Variants in LZTS1 observed in about 807,000 individuals in gnomAD.
The protein encoded by LZTS1 is leucine zipper tumor suppressor 1.
In LZTS1, 31 loss-of-function variants were observed where a neutral mutation model predicts 45.8. That is an observed-to-expected ratio of 0.68 (90% confidence interval 0.51 to 0.91). The LOEUF (loss-of-function observed/expected upper bound fraction) is 0.91. LZTS1 is among the 40% of genes least tolerant of loss of function. LZTS1 has a pLI of 0.00. For synonymous variants in LZTS1, 359 were observed against 357.3 expected, an observed-to-expected ratio of 1.00 and a Z score of -0.05; for missense variants, 821 against 788.9, an observed-to-expected ratio of 1.04 and a Z score of -0.49.
intron 1 of LZTS1, among the ~76,000 whole-genome samples, chr8:20,298,808 T>C (rs987632173): frequency 2.0e-5 from 3 of 152,192 alleles, no homozygotes; most frequent in Non-Finnish European, 2.9e-5. Context: ...GAGGTCAAGA[T>C]TGCAGTAAGC....
chr8:20,258,580 A>G (rs1000636468), intron 1 of LZTS1, among the ~76,000 whole-genome samples: 5 of 152,186 alleles, frequency 3.3e-5, no homozygotes, highest in Non-Finnish European at 7.3e-5. Context: ...TGATGTGAAA[A>G]GCTTTTATTG....
intron 1 of LZTS1, among the ~76,000 whole-genome samples, chr8:20,287,650 G>C (rs1163249110): frequency 6.6e-6 from 1 of 152,082 alleles, no homozygotes; most frequent in African/African-American, 2.4e-5. Context: ...CCCGGGACCA[G>C]GCATGGTGGC....
intron 1 of LZTS1, among the ~76,000 whole-genome samples, chr8:20,296,447 C>A (rs913620344): frequency 1.3e-5 from 2 of 152,178 alleles, no homozygotes; most frequent in Non-Finnish European, 2.9e-5. Context: ...CTAATGGGTT[C>A]GTGGCCACCT....
At chr8:20,278,185 C>T (rs1800621518) in intron 1 of LZTS1, among the ~76,000 whole-genome samples, 1 of 152,174 alleles carries the variant, frequency 6.6e-6, no homozygotes, top group African/African-American at 2.4e-5. Flanking sequence ...TGGTGATCAG[C>T]AGCTTCCTGA....
Position 20,263,249 on chromosome 8 carries a change from G to A in LZTS1, c.-134-7934C>T, listed in dbSNP as rs548789269. On this transcript the variant is annotated intron_variant, in intron 1 of 3. Transcript: ENST00000381569. ...GCAGGCGGAGACTGGGCGGGGAGAT[G>A]TGGGTCTTCCCTTCACTGGTGCAGA... Among the ~76,000 whole-genome samples, 466 of 152,202 alleles carry A rather than the reference G, an allele frequency of 3.1e-3. 4 individuals are homozygous for A. The highest frequency in any genetic ancestry group is 0.011 in the African/African-American group (447 of 41,536).
Position 20,303,909 on chromosome 8 carries a change from G to C in LZTS1, c.-304C>G, listed in dbSNP as rs1284551188. 3 of 984,284 alleles carry C rather than the reference G, an allele frequency of 3.0e-6. No homozygotes were observed. The highest frequency in any genetic ancestry group is 4.7e-5 in the South Asian group (1 of 21,286). The allele number at this position is 984,284 out of a possible 1,614,324, so 61.0% of individuals were successfully genotyped here. On this transcript the variant is annotated 5_prime_UTR_variant, in exon 1 of 4. Transcript: ENST00000381569. ...GGCCGAGGCGGGCAGAGAAACTTTC[G>C]GCCTCCCCGCCCGGCCGCTGCCAAC...
At chr8:20,271,319 G>C (rs1405893596) in intron 1 of LZTS1, among the ~76,000 whole-genome samples, 1 of 152,128 alleles carries the variant, frequency 6.6e-6, no homozygotes, top group Non-Finnish European at 1.5e-5. Context: ...ATCCGGCCGT[G>C]TTTCCACTCT....
At chr8:20,267,136 A>G (rs1474105663) in intron 1 of LZTS1, among the ~76,000 whole-genome samples, 1 of 151,666 alleles carries the variant, frequency 6.6e-6, no homozygotes, top group Admixed American at 6.6e-5. Context: ...AAGAAAAAAA[A>G]AGAAAACAGC....
At position 20,249,623 on chromosome 8, in the gene LZTS1, C is replaced by T. The variant is rs1023245359; in HGVS notation, c.*99G>A. The T allele has an allele frequency of 4.9e-5, 70 of 1,422,482 alleles. No homozygotes were observed. Among genetic ancestry groups the T allele is most frequent in the Non-Finnish European group, 6.1e-5 (65 of 1,062,054 alleles). The allele number at this position is 1,422,482 out of a possible 1,614,324, so 88.1% of individuals were successfully genotyped here. A position where few individuals can be genotyped will look rare whatever the true frequency, so the allele number is the denominator to read the frequency against. On this transcript the variant is annotated 3_prime_UTR_variant, in exon 4 of 4. Coordinates refer to ENST00000381569, the MANE Select transcript of LZTS1 (RefSeq NM_021020.5). The stretch of plus-strand genomic sequence containing the variant: ...CCTGGGTCTGTGTCCCAGGGAGTGG[C>T]GTCTCTCAGAGGGGTCTGAATTGCT...
Position 20,253,594 on chromosome 8 carries a change from G to GA in LZTS1, c.346-10dup. On this transcript the variant is annotated splice_polypyrimidine_tract_variant and intron_variant, in intron 2 of 3. Coordinates refer to ENST00000381569, the MANE Select transcript of LZTS1 (RefSeq NM_021020.5). ...GCACCCTTCTCGGAGCCCTGTAGAGGAAAAGGACCGCGGTGACTCATGCCT... is the reference window on the plus strand; with the variant it reads ...GCACCCTTCTCGGAGCCCTGTAGAGGAAAAAGGACCGCGGTGACTCATGCCT... 6.9e-7 allele frequency: 1 copy of GA among 1,442,094 alleles called. No homozygotes were observed. 89.3% of individuals were successfully genotyped at this position (1,442,094 alleles called of 1,614,324 possible).
Position 20,252,848 on chromosome 8 carries a change from G to A in LZTS1, c.1083C>T (p.Thr361=). Residue 361 remains threonine (T), a synonymous_variant, in exon 3 of 4, where the codon ACC becomes ACT. Coordinates refer to ENST00000381569, the MANE Select transcript of LZTS1 (RefSeq NM_021020.5). ...TCTCCCTCTCGTAGGACCTGAGCTTGGTCTCCAGCAGGTCCTGCTCCTTCA... is the reference window on the plus strand; with the variant it reads ...TCTCCCTCTCGTAGGACCTGAGCTTAGTCTCCAGCAGGTCCTGCTCCTTCA... ...SLMKEQDLLE[T]KLRSYEREKT... is the part of the protein sequence containing the mutation. 6.3e-7 allele frequency: 1 copy of A among 1,585,480 alleles called. No homozygotes were observed. Among genetic ancestry groups the A allele is most frequent in the Admixed American group, 1.9e-5 (1 of 53,646 alleles).
Position 20,249,657 on chromosome 8 carries a change from G to A in LZTS1, c.*65C>T. 4 of 1,537,922 alleles carry A rather than the reference G, an allele frequency of 2.6e-6. No homozygotes were observed. Among genetic ancestry groups the A allele is most frequent in the Non-Finnish European group, 3.5e-6 (4 of 1,144,820 alleles). ...GAGGGGTCTGAATTGCTGAGCAGGG[G>A]GGATGCACGGGAGAGCCCTGCCTCC... is the stretch of plus-strand genomic sequence containing the variant. On this transcript the variant is annotated 3_prime_UTR_variant, in exon 4 of 4. Transcript: ENST00000381569.
At chr8:20,301,244 G>A (rs182806918) in intron 1 of LZTS1, among the ~76,000 whole-genome samples, 312 of 152,180 alleles carry the variant, frequency 2.1e-3, no homozygotes, top group Admixed American at 5.3e-3. Context: ...GAATAACATG[G>A]ACAGAGCCAG....
In LZTS1 at chr8:20,271,052, G is replaced by A. The variant is rs73607967; in HGVS notation, c.-134-15737C>T. On this transcript the variant is annotated intron_variant, in intron 1 of 3. Coordinates refer to ENST00000381569, the MANE Select transcript of LZTS1 (RefSeq NM_021020.5). ...TGGGTACCTGGCACTGTCTGTGTGT[G>A]CCTGAGTGTATTTTTGTGTGCTCAA... Among the ~76,000 whole-genome samples the A allele has an allele frequency of 3.1e-3, 465 of 152,200 alleles. 5 individuals carry two copies. Among genetic ancestry groups the A allele is most frequent in the African/African-American group, 0.011 (447 of 41,536 alleles).
chr8:20,290,525 C>T (rs1800882658), intron 1 of LZTS1: 1 of 152,208 alleles, frequency 6.6e-6, no homozygotes, highest in Admixed American at 6.5e-5. Context: ...TCCAAAACAC[C>T]AGCATCTTCT....
chr8:20,302,798 T>C (rs1385558565), intron 1 of LZTS1, among the ~76,000 whole-genome samples: 3 of 152,194 alleles, frequency 2.0e-5, no homozygotes, highest in African/African-American at 4.8e-5. Flanking sequence ...TCCTGGGAAA[T>C]TGAAGACTGC....
In LZTS1 at chr8:20,293,469, C is replaced by T. The variant is rs534176427; in HGVS notation, c.-135+10271G>A. Among the ~76,000 whole-genome samples the T allele has an allele frequency of 2.0e-4, 30 of 152,264 alleles. No individual in the cohort carries two copies. In the South Asian group the frequency reaches 4.6e-3, roughly 23 times the overall value. ...CAGCTCTGTATCTTCCATGAAGACT[C>T]GGTGCTGATTCTGTTTTGTAGAATG... On this transcript the variant is annotated intron_variant, in intron 1 of 3. Coordinates refer to ENST00000381569, the MANE Select transcript of LZTS1 (RefSeq NM_021020.5).
In LZTS1 at chr8:20,250,151, C is replaced by T. The variant is rs1392771650; in HGVS notation, c.1362G>A (p.Leu454=). ...GCTCCGCCTCGTTCTTCTTGCGCTG[C>T]AGCTCATTCTCACAGACCTCCAGCT... ...GLELEVCENE[L]QRKKNEAELL... Residue 454 remains leucine, a synonymous_variant, in exon 4 of 4, where the codon CTG becomes CTA. Transcript: ENST00000381569. 2 of 1,609,232 alleles carry T rather than the reference C, an allele frequency of 1.2e-6. No individual in the cohort carries two copies. The highest frequency in any genetic ancestry group is 1.7e-5 in the Admixed American group (1 of 59,890).
rs149548718 is a variant in LZTS1 at position 20,266,306 on chromosome 8, T to C, written c.-134-10991A>G. ...CCGCCCAAAGTGCTGGAATTACCAGTGTGAGCCATCACACCTGGCTCTCAA... is the reference window on the plus strand; with the variant it reads ...CCGCCCAAAGTGCTGGAATTACCAGCGTGAGCCATCACACCTGGCTCTCAA... On this transcript the variant is annotated intron_variant, in intron 1 of 3. Coordinates refer to ENST00000381569, the MANE Select transcript of LZTS1 (RefSeq NM_021020.5). Among the ~76,000 whole-genome samples, 382 of 152,254 alleles carry C rather than the reference T, an allele frequency of 2.5e-3. 1 individual carries two copies. The highest frequency in any genetic ancestry group is 8.2e-3 in the African/African-American group (340 of 41,552).
Sources: gnomAD v4.1 joint callset for allele counts (sites outside exome capture counted in the v4.1 genomes callset) on GRCh38, gnomAD v4.1.1 for gene constraint, MANE v1.5 for transcripts, NCBI Gene and HGNC (gene_info 2026-07-23, HGNC 2026-07-21) for gene names.